ZSCAN25: variants seen among roughly 807,000 people sequenced by gnomAD.
ZSCAN25 encodes the protein zinc finger and SCAN domain-containing protein 25.
A neutral mutation model predicts 38.7 loss-of-function variants in ZSCAN25; 27 were observed. The ratio of observed to expected loss-of-function variants is 0.70; its 90% confidence interval spans 0.51 to 0.96. The LOEUF (loss-of-function observed/expected upper bound fraction) is 0.96, where lower values mean the gene tolerates loss of function less well. Among genes scored for constraint, ZSCAN25 ranks in the 40% least tolerant of loss-of-function variants. The pLI, the probability that ZSCAN25 is intolerant of heterozygous loss-of-function variation, is 0.00. For synonymous variants in ZSCAN25, 273 were observed against 277.7 expected (o/e 0.98, Z 0.17); for missense variants, 637 against 705.9 (o/e 0.90, Z 1.11).
chr7:99,719,489 A>G, the ZSCAN25 span, among the ~76,000 whole-genome samples: 4 of 152,208 alleles, frequency 2.6e-5, no homozygotes, highest in African/African-American at 9.7e-5. Context: ...TAGATAGTAG[A>G]GTTACATTTA....
chr7:99,622,715 C>A (rs1807088409), intron 6 of ZSCAN25, 75 bp downstream of exon 6: 1 of 1,404,508 alleles, frequency 7.1e-7, no homozygotes, highest in Admixed American at 1.8e-5. Context: ...GGTTTCTCTG[C>A]ACAACAGTGT....
intron 7 of ZSCAN25, among the ~76,000 whole-genome samples, chr7:99,625,685 C>T (rs901347397): frequency 2.0e-5 from 3 of 152,170 alleles, no homozygotes; most frequent in Admixed American, 6.5e-5. Flanking sequence ...CAGGGATATT[C>T]CCCTCCCAGT....
At chr7:99,665,158 C>T in the ZSCAN25 span, 2 of 1,598,774 alleles carry the variant, frequency 1.3e-6, no homozygotes, top group Admixed American at 1.7e-5. Flanking sequence ...AAATAATAGC[C>T]CACATACTTA....
At chr7:99,669,345 GT>G in the ZSCAN25 span, among the ~76,000 whole-genome samples, 1 of 152,162 alleles carries the variant, frequency 6.6e-6, no homozygotes, top group Non-Finnish European at 1.5e-5. Context: ...CTGAAAAAAA[GT>G]CTGTCTTTTC....
At chr7:99,676,287 G>A in the ZSCAN25 span, 14 of 1,601,082 alleles carry the variant, frequency 8.7e-6, no homozygotes, top group Non-Finnish European at 9.4e-6. Context: ...TCAGGAACTG[G>A]AATGGTCAAG....
chr7:99,708,715 T>G, the ZSCAN25 span, among the ~76,000 whole-genome samples: 1 of 152,192 alleles, frequency 6.6e-6, no homozygotes. Context: ...CAGGAAAAAA[T>G]ATTCATTTGT....
the ZSCAN25 span, among the ~76,000 whole-genome samples, chr7:99,681,759 G>A: frequency 6.6e-6 from 1 of 152,122 alleles, no homozygotes; most frequent in East Asian, 1.9e-4. Context: ...TCTGTGGTTT[G>A]TGTCTTCACT....
At chr7:99,720,618 A>T in the ZSCAN25 span, 1 of 527,854 alleles carries the variant, frequency 1.9e-6, no homozygotes, top group East Asian at 3.3e-5. Flanking sequence ...ATGAAGGGTA[A>T]TGTGGGCCAA....
At chr7:99,669,746 G>A in the ZSCAN25 span, among the ~76,000 whole-genome samples, 1 of 152,310 alleles carries the variant, frequency 6.6e-6, no homozygotes, top group African/African-American at 2.4e-5. Flanking sequence ...ATGTCACCAT[G>A]CTATTAAAAG....
At chr7:99,735,133 T>C in the ZSCAN25 span, 2 of 1,613,112 alleles carry the variant, frequency 1.2e-6, no homozygotes, top group South Asian at 1.1e-5. Flanking sequence ...TGAGTCTTTT[T>C]TTCAGCAGCG....
chr7:99,665,955 T>G, the ZSCAN25 span, among the ~76,000 whole-genome samples: 1 of 152,202 alleles, frequency 6.6e-6, no homozygotes, highest in East Asian at 1.9e-4. Context: ...CAACATTGAT[T>G]TGGAGAACCC....
chr7:99,709,876 C>T, the ZSCAN25 span, among the ~76,000 whole-genome samples: 3,233 of 152,084 alleles, frequency 0.021, 53 homozygotes, highest in Non-Finnish European at 0.032. Flanking sequence ...TATATAAAAT[C>T]TCTATCAATA....
At chr7:99,679,840 C>T in the ZSCAN25 span, 3 of 1,614,120 alleles carry the variant, frequency 1.9e-6, no homozygotes, top group Non-Finnish European at 2.5e-6. Flanking sequence ...AGAGGAGCAC[C>T]AGGCTGACAG....
At chr7:99,622,997 G>A (rs761358023) in intron 6 of ZSCAN25, among the ~76,000 whole-genome samples, 7 of 152,094 alleles carry the variant, frequency 4.6e-5, no homozygotes, top group Non-Finnish European at 8.8e-5. Flanking sequence ...TAGTAGAGAC[G>A]GGGTTTCACC....
the ZSCAN25 span, among the ~76,000 whole-genome samples, chr7:99,657,104 T>TTA: frequency 1.2e-4 from 18 of 152,316 alleles, no homozygotes; most frequent in Admixed American, 1.3e-4. Context: ...CTGATCTTAG[T>TTA]TATTTCTTGC....
At chr7:99,707,708 C>A in the ZSCAN25 span, 30 of 1,547,228 alleles carry the variant, frequency 1.9e-5, no homozygotes, top group Middle Eastern at 1.8e-4. Context: ...GCCCATAGAA[C>A]AAATTATTAA....
At chr7:99,678,867 C>CAGGTGG in the ZSCAN25 span, among the ~76,000 whole-genome samples, 1 of 152,208 alleles carries the variant, frequency 6.6e-6, no homozygotes, top group South Asian at 2.1e-4. Flanking sequence ...GTTAATGGGA[C>CAGGTGG]AGGTGGAGCC....
the ZSCAN25 span, among the ~76,000 whole-genome samples, chr7:99,657,631 A>G: frequency 3.3e-5 from 5 of 152,242 alleles, no homozygotes; most frequent in South Asian, 6.2e-4. Context: ...CAATTCCTGG[A>G]TATCCTTCTT....
chr7:99,624,500 G>T, intron 7 of ZSCAN25: 1 of 322,232 alleles, frequency 3.1e-6, no homozygotes, highest in Non-Finnish European at 6.0e-6. Context: ...GCAAAAGATG[G>T]GGCATCTGAG....
Sources: allele counts gnomAD v4.1 joint callset (sites outside exome capture counted in the v4.1 genomes callset), GRCh38; gene constraint gnomAD v4.1.1; transcripts MANE v1.5; gene names NCBI Gene and HGNC (gene_info 2026-07-23, HGNC 2026-07-21).